The following ZNF257 variants were observed in gnomAD, a reference collection of about 807,000 sequenced individuals.
ZNF257 encodes the protein bone marrow zinc finger 4.
A neutral mutation model predicts 11.9 loss-of-function variants in ZNF257; 12 were observed. The ratio of observed to expected loss-of-function variants is 1.01; its 90% CI spans 0.65 to 1.63. The LOEUF is 1.63. Among genes scored for constraint, ZNF257 ranks in the 40% most tolerant of loss-of-function variants. The pLI is 0.00. For synonymous variants in ZNF257, 183 were observed against 222.7 expected (o/e 0.82, Z 1.59); for missense variants, 580 against 665.5 (o/e 0.87, Z 1.41).
At chr19:22,078,294 T>C (rs2022279401) in intron 3 of ZNF257, among the ~76,000 whole-genome samples, 1 of 151,544 alleles carries the variant, frequency 6.6e-6, no homozygotes, top group Non-Finnish European at 1.5e-5. Flanking sequence ...GAGGTGATTT[T>C]GTTTTTTGTG....
Position 22,090,919 on chromosome 19 carries a change from A to G in ZNF257, c.*1477A>G, listed in dbSNP as rs2022611618. ...TATAAAATAGTAAGGACACTGAAAT[A>G]TAAGATGCATAAGAGTCTAAGTGAA... On this transcript the variant is annotated 3_prime_UTR_variant, in exon 4 of 4. Transcript: ENST00000594947. 6.6e-6 allele frequency: 1 copy of G among 152,192 alleles called. No individual in the cohort carries two copies. The allele number at this position is 152,192 out of a possible 1,614,324, so 9.4% of individuals were successfully genotyped here. A position where few individuals can be genotyped will look rare whatever the true frequency, so the allele number is the denominator to read the frequency against.
rs554418600 is a variant in ZNF257, at chr19:22,091,172, G to A, written c.*1730G>A. 5 of 151,906 alleles carry A rather than the reference G, an allele frequency of 3.3e-5. No homozygotes were observed. The highest frequency in any genetic ancestry group is 6.6e-5 in the Admixed American group (1 of 15,238). The allele number at this position is 151,906 out of a possible 1,614,324, so 9.4% of individuals were successfully genotyped here. The stretch of plus-strand genomic sequence containing the variant: ...TTTTACCACGTTAAGACTATTGTAC[G>A]TTCAGGCCGGGCACAGTAGCTCACG... On this transcript the variant is annotated 3_prime_UTR_variant, in exon 4 of 4. Transcript: ENST00000594947.
At chr19:22,073,853 T>G (rs1248064435) in intron 3 of ZNF257, among the ~76,000 whole-genome samples, 1 of 152,056 alleles carries the variant, frequency 6.6e-6, no homozygotes, top group Non-Finnish European at 1.5e-5. Context: ...CTGACTGCTT[T>G]TTCATTGTTT....
rs1467416242 is a variant in ZNF257 at position 22,088,871 on chromosome 19, G to C, written c.1121G>C (p.Cys374Ser). ...CATACTAAAGAGAAACCCTACAAATGTGAAGAGTGTGGAAAAGCCTTTAAC... is the reference window on the plus strand; with the variant it reads ...CATACTAAAGAGAAACCCTACAAATCTGAAGAGTGTGGAAAAGCCTTTAAC... ...IIHTKEKPYKCEECGKAFNRS... is the reference protein window; with the variant it reads ...IIHTKEKPYKSEECGKAFNRS... The change falls in exon 4 of 4, where the codon TGT becomes TCT. Residue 374 changes from cysteine to serine, a missense_variant. Cys to Ser is a moderately radical substitution (Grantham distance 112, BLOSUM62 -1). Coordinates refer to ENST00000594947, the MANE Select transcript of ZNF257 (RefSeq NM_033468.4). 2 of 1,612,432 alleles carry C rather than the reference G, an allele frequency of 1.2e-6. No homozygotes were observed. The highest frequency in any genetic ancestry group is 2.7e-5 in the African/African-American group (2 of 74,400).
At chr19:22,082,292 A>G (rs1421636066) in intron 3 of ZNF257, among the ~76,000 whole-genome samples, 1 of 152,174 alleles carries the variant, frequency 6.6e-6, no homozygotes, top group Non-Finnish European at 1.5e-5. Flanking sequence ...TTATATTTAC[A>G]TAGTCATATG....
In ZNF257 at chr19:22,052,580, C is replaced by T. The variant is rs762402464; in HGVS notation, c.-53C>T. 2.1e-4 allele frequency: 340 copies of T among 1,597,594 alleles called. No individual in the cohort carries two copies. The highest frequency in any genetic ancestry group is 2.8e-4 in the Non-Finnish European group (325 of 1,169,632). On this transcript the variant is annotated 5_prime_UTR_variant, in exon 1 of 4. Coordinates refer to ENST00000594947, the MANE Select transcript of ZNF257 (RefSeq NM_033468.4). Reference sequence around the variant, plus strand: ...CCAGCCTCTGTGGCCCTGTGACCTGCAGGTATTGGGAGATCCCCAGCTAAG... The same window carrying T: ...CCAGCCTCTGTGGCCCTGTGACCTGTAGGTATTGGGAGATCCCCAGCTAAG...
chr19:22,062,445 A>G (rs1164302523), intron 1 of ZNF257, among the ~76,000 whole-genome samples: 1 of 150,474 alleles, frequency 6.6e-6, no homozygotes, highest in East Asian at 2.1e-4. Flanking sequence ...TTTTACATCA[A>G]TGTTTGTGAA....
intron 1 of ZNF257, among the ~76,000 whole-genome samples, chr19:22,071,358 T>C (rs995692130): frequency 2.6e-5 from 4 of 152,104 alleles, no homozygotes; most frequent in African/African-American, 9.7e-5. Flanking sequence ...CCAGTGGGTG[T>C]GGTGGTAGCA....
chr19:22,084,082 G>T (rs2022419380), intron 3 of ZNF257, among the ~76,000 whole-genome samples: 3 of 151,454 alleles, frequency 2.0e-5, no homozygotes, highest in Admixed American at 2.0e-4. Flanking sequence ...AGAGGTTGCA[G>T]TGAGCTGAGA....
At chr19:22,054,163 C>T (rs1351692258) in intron 1 of ZNF257, among the ~76,000 whole-genome samples, 2 of 151,722 alleles carry the variant, frequency 1.3e-5, no homozygotes, top group East Asian at 4.0e-4. Flanking sequence ...ACCTCCGCCT[C>T]CCAGGTTCAA....
At chr19:22,064,421 T>C (rs2021887751) in intron 1 of ZNF257, 1 of 152,246 alleles carries the variant, frequency 6.6e-6, no homozygotes, top group African/African-American at 2.4e-5. Context: ...TGGCAAAGTT[T>C]TTTCCTTTCA....
rs749346256 is a variant in ZNF257 at position 22,089,160 on chromosome 19, G to T, written c.1410G>T (p.Gln470His). Residue 470 changes from glutamine (Q) to histidine (H), a missense_variant, in exon 4 of 4, where the codon CAG (glutamine) becomes CAT (histidine). Coordinates refer to ENST00000594947, the MANE Select transcript of ZNF257 (RefSeq NM_033468.4). ...AAGAGTGTGGCAAAGCCTTTAACCA[G>T]TCTTCACACCTTACTCAACATAAAA... Reference protein sequence around the residue: ...KCEECGKAFNQSSHLTQHKII... With the variant: ...KCEECGKAFNHSSHLTQHKII... The T allele has an allele frequency of 6.2e-7, 1 of 1,612,222 alleles. No individual in the cohort carries two copies. Among genetic ancestry groups the T allele is most frequent in the African/African-American group, 1.3e-5 (1 of 74,380 alleles).
intron 3 of ZNF257, among the ~76,000 whole-genome samples, chr19:22,079,127 GA>G (rs1248385000): frequency 6.6e-6 from 1 of 152,038 alleles, no homozygotes; most frequent in East Asian, 1.9e-4. Context: ...TTTTTGAAGA[GA>G]TTATCTTTTC....
chr19:22,063,965 T>C (rs2021872824), intron 1 of ZNF257: 1 of 152,228 alleles, frequency 6.6e-6, no homozygotes, highest in South Asian at 2.1e-4. Context: ...TGTAGTCTCC[T>C]ACTGTTGTGT....
chr19:22,077,703 T>C (rs1385223692), intron 3 of ZNF257, among the ~76,000 whole-genome samples: 1 of 152,182 alleles, frequency 6.6e-6, no homozygotes, highest in Non-Finnish European at 1.5e-5. Context: ...TTTTGACTTT[T>C]GTGAATACTA....
At chr19:22,065,648 GA>G (rs2021924435) in intron 1 of ZNF257, among the ~76,000 whole-genome samples, 1 of 151,562 alleles carries the variant, frequency 6.6e-6, no homozygotes, top group African/African-American at 2.4e-5. Flanking sequence ...ATCTAATAGG[GA>G]TAACTCTAGG....
intron 3 of ZNF257, among the ~76,000 whole-genome samples, chr19:22,087,165 A>T (rs1239273348): frequency 6.6e-6 from 1 of 150,692 alleles, no homozygotes; most frequent in Non-Finnish European, 1.5e-5. Context: ...AAATTTCATG[A>T]TTTGTTTGAT....
chr19:22,053,250 C>T (rs959022012), intron 1 of ZNF257, among the ~76,000 whole-genome samples: 4 of 151,510 alleles, frequency 2.6e-5, no homozygotes, highest in African/African-American at 9.7e-5. Flanking sequence ...TGCCTATAAT[C>T]CCAGCTACTC....
chr19:22,069,629 A>C (rs2022048906), intron 1 of ZNF257, among the ~76,000 whole-genome samples: 1 of 89,788 alleles, frequency 1.1e-5, no homozygotes, highest in Admixed American at 9.1e-5. Flanking sequence ...TCTTAAAAAC[A>C]AAAAAACAAT....
Sources: allele counts gnomAD v4.1 joint callset (sites outside exome capture counted in the v4.1 genomes callset), GRCh38; gene constraint gnomAD v4.1.1; transcripts MANE v1.5; gene names NCBI Gene and HGNC (gene_info 2026-07-23, HGNC 2026-07-21).